The following TRPC6 variants were observed in gnomAD, a reference collection of about 807,000 sequenced individuals.
TRPC6 encodes the protein short transient receptor potential channel 6.
A neutral mutation model predicts 90.7 loss-of-function variants in TRPC6; 55 were observed. The ratio of observed to expected loss-of-function variants is 0.61; its 90% CI spans 0.49 to 0.76. The LOEUF (loss-of-function observed/expected upper bound fraction) is 0.76. Ranked by LOEUF, TRPC6 falls within the 30% of genes least tolerant of loss-of-function variation. The pLI is 0.00. For missense variants in TRPC6, 989 were observed against 1,122.7 expected (o/e 0.88, Z 1.70); for synonymous variants, 393 against 393.0 (o/e 1.00, Z 0.00).
At chr11:101,471,161 A>C (rs1385678730) in intron 9 of TRPC6, 22 bp downstream of exon 9, 1 of 1,609,430 alleles carries the variant, frequency 6.2e-7, no homozygotes. Context: ...GAATACAATG[A>C]TAACTTATCA....
At chr11:101,479,246 GCCGT>G (rs1440755870) in intron 5 of TRPC6, among the ~76,000 whole-genome samples, 2 of 152,212 alleles carry the variant, frequency 1.3e-5, no homozygotes, top group African/African-American at 2.4e-5. Context: ...TGCCTGGACT[GCCGT>G]CCTCTCCTTC....
At chr11:101,574,482 G>A (rs1862033760) in intron 1 of TRPC6, among the ~76,000 whole-genome samples, 2 of 151,080 alleles carry the variant, frequency 1.3e-5, no homozygotes, top group Non-Finnish European at 2.9e-5. Context: ...CATGCTATAT[G>A]GTATTCATTG....
Position 101,549,532 on chromosome 11 carries a change from G to T in TRPC6, c.170+33802C>A, listed in dbSNP as rs114905704. Among the ~76,000 whole-genome samples the T allele has an allele frequency of 7.0e-3, 1,064 of 151,206 alleles. 14 individuals carry two copies. Among genetic ancestry groups the T allele is most frequent in the African/African-American group, 0.024 (972 of 41,190 alleles). Reference sequence around the variant, plus strand: ...GAGTTACAAGAGGCTATAATAAAAAGAAATATTTAAATGTTTATGATAAAA... The same window carrying T: ...GAGTTACAAGAGGCTATAATAAAAATAAATATTTAAATGTTTATGATAAAA... On this transcript the variant is annotated intron_variant, in intron 1 of 12. Transcript: ENST00000344327.
intron 1 of TRPC6, among the ~76,000 whole-genome samples, chr11:101,559,121 G>A (rs1393206795): frequency 6.6e-6 from 1 of 151,862 alleles, no homozygotes; most frequent in Admixed American, 6.6e-5. Context: ...TATATATAAG[G>A]GGTTAATATC....
chr11:101,524,393 C>G (rs192664222), intron 1 of TRPC6, among the ~76,000 whole-genome samples: 2 of 152,132 alleles, frequency 1.3e-5, no homozygotes, highest in African/African-American at 4.8e-5. Context: ...GGACTACAGG[C>G]GCCTGCCACC....
At chr11:101,485,826 G>A (rs1282735333) in intron 4 of TRPC6, among the ~76,000 whole-genome samples, 1 of 152,044 alleles carries the variant, frequency 6.6e-6, no homozygotes, top group African/African-American at 2.4e-5. Flanking sequence ...ACCTTAGAAT[G>A]AGCCACAAAT....
chr11:101,461,077 C>T (rs1466432186), intron 10 of TRPC6, among the ~76,000 whole-genome samples: 1 of 152,078 alleles, frequency 6.6e-6, no homozygotes, highest in African/African-American at 2.4e-5. Flanking sequence ...GTGCTTGGTA[C>T]ACATGTTAAA....
chr11:101,456,488 G>A (rs1858886135), intron 10 of TRPC6, among the ~76,000 whole-genome samples: 1 of 152,106 alleles, frequency 6.6e-6, no homozygotes, highest in South Asian at 2.1e-4. Context: ...TGCAGGTAAG[G>A]GCAGGCTCAT....
At chr11:101,519,883 ACT>A (rs1191257330) in intron 1 of TRPC6, 3 of 150,622 alleles carry the variant, frequency 2.0e-5, no homozygotes, top group African/African-American at 7.4e-5. Flanking sequence ...AATTCTCTTA[ACT>A]CTCTGACTCC....
intron 10 of TRPC6, among the ~76,000 whole-genome samples, chr11:101,462,998 A>T (rs950363134): frequency 6.6e-6 from 1 of 152,116 alleles, no homozygotes; most frequent in African/African-American, 2.4e-5. Context: ...TACCTAGTTT[A>T]TTGAGAGTTT....
chr11:101,558,299 G>GTATACA, intron 1 of TRPC6, among the ~76,000 whole-genome samples: 1 of 132,950 alleles, frequency 7.5e-6, no homozygotes, highest in African/African-American at 3.0e-5. Context: ...ACATGTATAT[G>GTATACA]GGTATACATG....
chr11:101,483,117 C>G lies in TRPC6; in HGVS notation c.1342G>C (p.Ala448Pro), dbSNP rs2136691002. Residue 448 changes from alanine (A) to proline (P), a missense_variant, in exon 5 of 13, where the codon GCC becomes CCC. Transcript: ENST00000344327. ...GPFMKFVAHA[A>P]SFTIFLGLLV... Reference sequence around the variant, plus strand: ...AGTCCCAGAAAAATGGTGAAGGAGGCTGCGTGTGCTACAAACTTCATGAAT... The same window carrying G: ...AGTCCCAGAAAAATGGTGAAGGAGGGTGCGTGTGCTACAAACTTCATGAAT... The G allele has an allele frequency of 6.2e-7, 1 of 1,614,026 alleles. No individual in the cohort carries two copies. The highest frequency in any genetic ancestry group is 1.3e-5 in the African/African-American group (1 of 75,022).
intron 1 of TRPC6, among the ~76,000 whole-genome samples, chr11:101,535,958 T>C (rs1206547737): frequency 1.3e-5 from 2 of 152,214 alleles, no homozygotes; most frequent in Non-Finnish European, 2.9e-5. Context: ...TAGACAGTAA[T>C]TCCCTCATCC....
intron 4 of TRPC6, among the ~76,000 whole-genome samples, chr11:101,485,119 C>G (rs1434909672): frequency 9.7e-6 from 1 of 103,616 alleles, no homozygotes; most frequent in African/African-American, 4.2e-5. Context: ...TACAGAGGGC[C>G]AAAGAATACA....
In TRPC6 at chr11:101,568,867, T is replaced by G. The variant is rs569184066; in HGVS notation, c.170+14467A>C. On this transcript the variant is annotated intron_variant, in intron 1 of 12. Coordinates refer to ENST00000344327, the MANE Select transcript of TRPC6 (RefSeq NM_004621.6). ...TTATAAGAGCTCCTGAAGGAAACAC[T>G]CAACATGGAAAGAAACAACCGATAC... Among the ~76,000 whole-genome samples, 17 of 152,200 alleles carry G rather than the reference T, an allele frequency of 1.1e-4. No homozygotes were observed. In the East Asian group the frequency reaches 3.3e-3, roughly 29 times the overall value.
At chr11:101,493,206 T>C (rs1859869942) in intron 2 of TRPC6, among the ~76,000 whole-genome samples, 2 of 152,200 alleles carry the variant, frequency 1.3e-5, no homozygotes, top group Non-Finnish European at 2.9e-5. Context: ...AGAAGAATTG[T>C]CTTGGGCCAC....
intron 3 of TRPC6, among the ~76,000 whole-genome samples, chr11:101,490,872 G>C (rs143291890): frequency 9.9e-5 from 15 of 152,254 alleles, no homozygotes; most frequent in African/African-American, 3.6e-4. Flanking sequence ...ATTCTAATGC[G>C]GTAAAGAAGG....
intron 2 of TRPC6, among the ~76,000 whole-genome samples, chr11:101,492,445 A>T (rs1311218461): frequency 6.6e-6 from 1 of 151,940 alleles, no homozygotes; most frequent in Admixed American, 6.6e-5. Flanking sequence ...ATTAGCCGGG[A>T]GTGGGGATGT....
intron 1 of TRPC6, among the ~76,000 whole-genome samples, chr11:101,552,528 T>G (rs1185434859): frequency 6.6e-6 from 1 of 152,082 alleles, no homozygotes; most frequent in African/African-American, 2.4e-5. Context: ...AGGAGGTGAG[T>G]CAGAAAGTTC....
Sources: allele counts gnomAD v4.1 joint callset (sites outside exome capture counted in the v4.1 genomes callset), GRCh38; gene constraint gnomAD v4.1.1; transcripts MANE v1.5; gene names NCBI Gene and HGNC (gene_info 2026-07-23, HGNC 2026-07-21).